The following MEGF8 variants were observed in gnomAD, a reference collection of about 807,000 sequenced individuals.
MEGF8 encodes multiple EGF like domains 8, also known as multiple epidermal growth factor-like domains protein 8.
Under a neutral mutation model 302.9 loss-of-function variants are expected in MEGF8, and 156 were observed. That is an observed-to-expected ratio of 0.52 (90% CI 0.45 to 0.59). MEGF8 has a LOEUF of 0.59. Ranked by LOEUF, MEGF8 falls within the 20% of genes least tolerant of loss-of-function variation. The pLI is 0.00. For missense variants in MEGF8, 3,345 were observed against 3,964.5 expected (o/e 0.84, Z 4.20); for synonymous variants, 1,621 against 1,660.5 (o/e 0.98, Z 0.58).
chr19:42,369,696 C>T lies in MEGF8; in HGVS notation c.6807C>T (p.His2269=), dbSNP rs1391255708. The T allele has an allele frequency of 6.2e-7, 1 of 1,609,680 alleles. No homozygotes were observed. Among genetic ancestry groups the T allele is most frequent in the East Asian group, 2.2e-5 (1 of 44,758 alleles). ...GCGCTGGTGTTGGGGCGCGTGACCACTGCTTGCTCTGCCGCAACCACACCA... is the reference window on the plus strand; with the variant it reads ...GCGCTGGTGTTGGGGCGCGTGACCATTGCTTGCTCTGCCGCAACCACACCA... ...SECAGVGARD[H]CLLCRNHTKG... Residue 2269 remains histidine, a synonymous_variant, in exon 38 of 42, where the codon CAC becomes CAT. Transcript: ENST00000251268. This position sits in a 1 kb window ranked among gnomAD's most constrained non-coding sequence, Gnocchi z 5.7.
At position 42,359,081 on chromosome 19, in the gene MEGF8, C is replaced by G. The variant is rs780933404; in HGVS notation, c.5344-17C>G. The G allele has an allele frequency of 1.1e-5, 17 of 1,506,298 alleles. No homozygotes were observed. In the South Asian group the frequency reaches 2.1e-4, roughly 19 times the overall value. 93.3% of individuals were successfully genotyped at this position (1,506,298 alleles called of 1,614,324 possible). On this transcript the variant is annotated splice_polypyrimidine_tract_variant and intron_variant, in intron 30 of 41. Transcript: ENST00000251268. ...TGACAGGCTGTCCTGTCCCCCCACC[C>G]CCCGTCTCCCCAACAGCCCCGCCCC...
chr19:42,335,318 T>G lies in MEGF8; in HGVS notation c.761T>G (p.Leu254Arg). 6.2e-7 allele frequency: 1 copy of G among 1,614,048 alleles called. No homozygotes were observed. The highest frequency in any genetic ancestry group is 1.1e-5 in the South Asian group (1 of 91,090). The change falls in exon 5 of 42, where the codon CTG (leucine) becomes CGG (arginine). Residue 254 changes from leucine (L) to arginine (R), a missense_variant. Leu to Arg is a moderately radical substitution (Grantham distance 102). Coordinates refer to ENST00000251268, the MANE Select transcript of MEGF8 (RefSeq NM_001271938.2). ...VFGGQDLNNA[L>R]GDLVLYNFSA... ...ACAGGCCAGGACCTCAACAATGCCC[T>G]GGGTGACCTCGTCCTATACAACTTC... is the stretch of plus-strand genomic sequence containing the variant.
At chr19:42,348,175 T>C (rs981480550) in intron 12 of MEGF8, 97 bp from the exon 13 acceptor site, 3 of 1,141,518 alleles carry the variant, frequency 2.6e-6, no homozygotes, top group Non-Finnish European at 3.6e-6. Flanking sequence ...TTTGGTAAAA[T>C]GGGGAAGAAG....
chr19:42,358,282 T>A lies in MEGF8; in HGVS notation c.5150T>A (p.Leu1717Gln), dbSNP rs775046696. The A allele has an allele frequency of 6.2e-7, 1 of 1,605,316 alleles. No homozygotes were observed. Among genetic ancestry groups the A allele is most frequent in the South Asian group, 1.1e-5 (1 of 89,076 alleles). Residue 1717 changes from leucine to glutamine, a missense_variant, in exon 29 of 42, where the codon CTG (leucine) becomes CAG (glutamine). Leu to Gln is a moderately radical substitution (Grantham distance 113). Coordinates refer to ENST00000251268, the MANE Select transcript of MEGF8 (RefSeq NM_001271938.2). The surrounding 1 kb of genome is among the most constrained non-coding windows in gnomAD (Gnocchi z 4.4). Reference protein sequence around the residue: ...SLHCPDRTWSLLAPSQGAKRD... With the variant: ...SLHCPDRTWSQLAPSQGAKRD... ...CACTGTCCTGACCGCACCTGGAGTCTGCTGGCCCCTTCTCAGGGGGCAAAG... is the reference window on the plus strand; with the variant it reads ...CACTGTCCTGACCGCACCTGGAGTCAGCTGGCCCCTTCTCAGGGGGCAAAG...
At position 42,355,900 on chromosome 19, in the gene MEGF8, T is replaced by C. The variant is rs769529505; in HGVS notation, c.4287T>C (p.Gly1429=). Residue 1429 remains glycine, a synonymous_variant, in exon 24 of 42, where the codon GGT becomes GGC. Coordinates refer to ENST00000251268, the MANE Select transcript of MEGF8 (RefSeq NM_001271938.2). ...GCGTGCCCCAGGACGGTGCTGCAGGTGCGGGGCTCTGCCGATGTCCTCAGG... is the reference window on the plus strand; with the variant it reads ...GCGTGCCCCAGGACGGTGCTGCAGGCGCGGGGCTCTGCCGATGTCCTCAGG... ...QECVPQDGAA[G]AGLCRCPQGW... is the part of the protein sequence containing the mutation. 3.1e-6 allele frequency: 5 copies of C among 1,588,272 alleles called. No homozygotes were observed. Among genetic ancestry groups the C allele is most frequent in the South Asian group, 1.1e-5 (1 of 87,598 alleles).
In MEGF8 at chr19:42,348,476, A is replaced by G; in HGVS notation, c.2298+4A>G. On this transcript the variant is annotated splice_donor_region_variant and intron_variant, in intron 13 of 41. Coordinates refer to ENST00000251268, the MANE Select transcript of MEGF8 (RefSeq NM_001271938.2). ...TGGCCCTGACACGGAGAACATGGTG[A>G]GGCCGCCTGGGACATTCAGGGGGTT... 6.6e-7 allele frequency: 1 copy of G among 1,513,492 alleles called. No homozygotes were observed. Among genetic ancestry groups the G allele is most frequent in the Non-Finnish European group, 8.8e-7 (1 of 1,130,402 alleles). The allele number at this position is 1,513,492 out of a possible 1,614,324, so 93.8% of individuals were successfully genotyped here. A position where few individuals can be genotyped will look rare whatever the true frequency, so the allele number is the denominator to read the frequency against.
chr19:42,365,741 C>T (rs2039595163), intron 35 of MEGF8, among the ~76,000 whole-genome samples: 1 of 145,722 alleles, frequency 6.9e-6, no homozygotes, highest in Non-Finnish European at 1.5e-5. Context: ...CACTGCACTC[C>T]AGCCTGGGTG....
At chr19:42,364,080 G>A (rs190129539) in intron 35 of MEGF8, among the ~76,000 whole-genome samples, 54 of 152,318 alleles carry the variant, frequency 3.5e-4, no homozygotes, top group African/African-American at 1.2e-3. Flanking sequence ...TGGTTCAAAC[G>A]TGGCACGTCA....
intron 35 of MEGF8, 56 bp downstream of exon 35, chr19:42,363,318 CT>C (rs2147498262): frequency 1.4e-6 from 2 of 1,441,982 alleles, no homozygotes; most frequent in East Asian, 5.0e-5. Context: ...TCTCCCTCCT[CT>C]CTGCGCTGGC....
intron 1 of MEGF8, among the ~76,000 whole-genome samples, chr19:42,330,599 A>G (rs1676222): frequency 0.2 from 31,082 of 152,028 alleles, 4,033 homozygotes; most frequent in African/African-American, 0.37. Flanking sequence ...TCTGTCTTTT[A>G]TGTATTTCTT....
intron 8 of MEGF8, among the ~76,000 whole-genome samples, chr19:42,343,175 C>T (rs2039238780): frequency 6.6e-6 from 1 of 152,216 alleles, no homozygotes; most frequent in Non-Finnish European, 1.5e-5. Context: ...GAAGTTCAGT[C>T]TCCTGTCCAG....
Position 42,369,131 on chromosome 19 carries a change from T to A in MEGF8, c.6641+129T>A. The A allele has an allele frequency of 8.0e-7, 1 of 1,252,712 alleles. No individual in the cohort carries two copies. The highest frequency in any genetic ancestry group is 1.1e-6 in the Non-Finnish European group (1 of 921,874). The allele number at this position is 1,252,712 out of a possible 1,614,324, so 77.6% of individuals were successfully genotyped here. ...AGCTCGAGGCATGAAGGCAGTGGGA[T>A]TGATTCCTGAAGGTCAAGAGTGGTG... On this transcript the variant is annotated intron_variant, in intron 37 of 41. Coordinates refer to ENST00000251268, the MANE Select transcript of MEGF8 (RefSeq NM_001271938.2). The surrounding 1 kb of genome is among the most constrained non-coding windows in gnomAD (Gnocchi z 5.7).
At position 42,368,220 on chromosome 19, in the gene MEGF8, C is replaced by T. The variant is rs1369492095; in HGVS notation, c.6274-235C>T. 6.6e-6 allele frequency among the ~76,000 whole-genome samples: 1 copy of T among 152,128 alleles called. No individual in the cohort carries two copies. The highest frequency in any genetic ancestry group is 1.5e-5 in the Non-Finnish European group (1 of 68,026). On this transcript the variant is annotated intron_variant, in intron 35 of 41. Coordinates refer to ENST00000251268, the MANE Select transcript of MEGF8 (RefSeq NM_001271938.2). The surrounding 1 kb of genome is among the most constrained non-coding windows in gnomAD (Gnocchi z 4.9). ...GGTGTGAGCCACTGCGGCCAGGCAA[C>T]CTTCCAGTTTCAAGATCCTCCCCAG...
intron 38 of MEGF8, 82 bp from the exon 39 acceptor site, chr19:42,370,107 A>T: frequency 6.8e-7 from 1 of 1,477,084 alleles, no homozygotes; most frequent in Middle Eastern, 2.5e-4. Context: ...GTGGGCTCTC[A>T]GAACCTGCCC....
intron 41 of MEGF8, 96 bp downstream of exon 41, chr19:42,371,578 A>G (rs765736648): frequency 2.2e-5 from 34 of 1,521,912 alleles, no homozygotes; most frequent in Non-Finnish European, 2.9e-5. Flanking sequence ...GACTGACAAC[A>G]TGGTTCCAAA....
intron 39 of MEGF8, 168 bp from the exon 40 acceptor site, chr19:42,370,533 G>A: frequency 1.1e-6 from 1 of 913,988 alleles, no homozygotes; most frequent in Admixed American, 2.8e-5. Flanking sequence ...TCCTGGGTCT[G>A]AGGGAAGAGG....
intron 41 of MEGF8, among the ~76,000 whole-genome samples, chr19:42,373,179 G>A (rs113195507): frequency 0.022 from 3,357 of 150,826 alleles, 134 homozygotes; most frequent in African/African-American, 0.076. Context: ...TGCAACCTCC[G>A]CCTCCCAGGT....
chr19:42,356,396 C>A lies in MEGF8; in HGVS notation c.4565C>A (p.Thr1522Asn). The change falls in exon 26 of 42, where the codon ACC becomes AAC. Residue 1522 changes from threonine (T) to asparagine (N), a missense_variant. By Grantham distance (65) the Thr-to-Asn change is moderately conservative. Transcript: ENST00000251268. This position sits in a 1 kb window ranked among gnomAD's most constrained non-coding sequence, Gnocchi z 5.2. ...GHTMVDGPDATLWMFGGLGLP... is the reference protein window; with the variant it reads ...GHTMVDGPDANLWMFGGLGLP... ...ACCATGGTGGATGGACCCGATGCCACCTTGTGGATGTTTGGGGGCCTGGGC... is the reference window on the plus strand; with the variant it reads ...ACCATGGTGGATGGACCCGATGCCAACTTGTGGATGTTTGGGGGCCTGGGC... 1.2e-6 allele frequency: 2 copies of A among 1,612,856 alleles called. No homozygotes were observed. The highest frequency in any genetic ancestry group is 1.7e-6 in the Non-Finnish European group (2 of 1,179,452).
Position 42,356,980 on chromosome 19 carries a change from A to T in MEGF8, c.4829A>T (p.Lys1610Met), listed in dbSNP as rs746735812. Residue 1610 changes from lysine (K) to methionine (M), a missense_variant and splice_region_variant, in exon 27 of 42, where the codon AAG (lysine) becomes ATG (methionine). Coordinates refer to ENST00000251268, the MANE Select transcript of MEGF8 (RefSeq NM_001271938.2). The surrounding 1 kb of genome is among the most constrained non-coding windows in gnomAD (Gnocchi z 5.2). ...ACCACCCTGCAATGGCGGCAGGAGA[A>T]GGTGAGCATCTCTCCCCAGCCCACT... ...NLTTLQWRQEKAPQTVELPAV... is the reference protein window; with the variant it reads ...NLTTLQWRQEMAPQTVELPAV... The T allele has an allele frequency of 6.3e-7, 1 of 1,592,242 alleles. No individual in the cohort carries two copies. Among genetic ancestry groups the T allele is most frequent in the Non-Finnish European group, 8.5e-7 (1 of 1,170,168 alleles).
Sources: allele counts gnomAD v4.1 joint callset (sites outside exome capture counted in the v4.1 genomes callset), GRCh38; gene constraint gnomAD v4.1.1; non-coding constraint Gnocchi (gnomAD v3.1); transcripts MANE v1.5; gene names NCBI Gene and HGNC (gene_info 2026-07-23, HGNC 2026-07-21).